Variants in NTNG1 observed in about 807,000 individuals in gnomAD.
NTNG1 encodes the protein netrin-G1.
In NTNG1, 16 loss-of-function variants were observed where a neutral mutation model predicts 54.0. The observed-to-expected ratio is 0.30, with a 90% confidence interval of 0.20 to 0.45. NTNG1 has a LOEUF of 0.45. Ranked by LOEUF, NTNG1 falls within the 20% of genes least tolerant of loss-of-function variation. The probability of loss-of-function intolerance (pLI) is 1.00; values close to 1 mark genes in which losing one functional copy is unlikely to be tolerated. For synonymous variants in NTNG1, 255 were observed against 263.1 expected (o/e 0.97, Z 0.30); for missense variants, 530 against 678.7 (o/e 0.78, Z 2.43).
At chr1:107,376,847 T>C (rs1045060166) in intron 3 of NTNG1, among the ~76,000 whole-genome samples, 5 of 152,192 alleles carry the variant, frequency 3.3e-5, no homozygotes, top group African/African-American at 9.7e-5. Flanking sequence ...AAGTGTCCCG[T>C]CTTCCCCTAC....
intron 5 of NTNG1, among the ~76,000 whole-genome samples, chr1:107,414,665 T>C (rs974822561): frequency 5.3e-5 from 8 of 152,136 alleles, no homozygotes; most frequent in South Asian, 2.1e-4. Flanking sequence ...AGTAACTGTT[T>C]ATAGTACAGC....
intron 1 of NTNG1, chr1:107,141,411 G>T (rs1653686000): frequency 6.7e-6 from 1 of 149,986 alleles, no homozygotes. Flanking sequence ...CCGCCGCCCC[G>T]CGCCGTCGGC....
intron 3 of NTNG1, among the ~76,000 whole-genome samples, chr1:107,349,687 T>G (rs1255448627): frequency 6.6e-6 from 1 of 152,162 alleles, no homozygotes; most frequent in Non-Finnish European, 1.5e-5. Flanking sequence ...CTAAACAATA[T>G]ATTGTTTAGG....
At chr1:107,143,928 A>G (rs1006087346) in intron 1 of NTNG1, among the ~76,000 whole-genome samples, 2 of 152,096 alleles carry the variant, frequency 1.3e-5, no homozygotes, top group Non-Finnish European at 2.9e-5. Context: ...AGATCTTTCA[A>G]TTACCACGGT....
chr1:107,440,661 A>T (rs1047548512), intron 7 of NTNG1, among the ~76,000 whole-genome samples: 2 of 152,168 alleles, frequency 1.3e-5, no homozygotes, highest in Non-Finnish European at 2.9e-5. Context: ...TTGTTGGGCC[A>T]CTATTGAGGA....
chr1:107,480,779 G>A lies in NTNG1; in HGVS notation c.1559G>A (p.Gly520Asp). The A allele has an allele frequency of 6.3e-7, 1 of 1,598,174 alleles. No individual in the cohort carries two copies. Among genetic ancestry groups the A allele is most frequent in the Non-Finnish European group, 8.5e-7 (1 of 1,173,828 alleles). Residue 520 changes from glycine (G) to aspartate (D), a missense_variant, in exon 8 of 8, where the codon GGC (glycine) becomes GAC (aspartate). By Grantham distance (94) the Gly-to-Asp change is moderately conservative (BLOSUM62 -1). Transcript: ENST00000370068. ...SDSGQGAPPH[G>D]SPALLLLTTL... is the part of the protein sequence containing the mutation. ...TCTGGCCAGGGCGCGCCCCCGCACG[G>A]CTCCCCAGCGCTGCTGCTGCTGACC... is the stretch of plus-strand genomic sequence containing the variant.
chr1:107,268,411 G>C (rs959371046), intron 2 of NTNG1, among the ~76,000 whole-genome samples: 8 of 151,904 alleles, frequency 5.3e-5, no homozygotes, highest in Admixed American at 5.2e-4. Context: ...ATTGGACTCA[G>C]TTGGTTACTC....
At chr1:107,447,065 T>G (rs1185159734) in intron 7 of NTNG1, among the ~76,000 whole-genome samples, 1 of 151,498 alleles carries the variant, frequency 6.6e-6, no homozygotes, top group Non-Finnish European at 1.5e-5. Flanking sequence ...AGGATTAACA[T>G]TACATATTAC....
At chr1:107,345,296 A>C (rs1669148026) in intron 3 of NTNG1, among the ~76,000 whole-genome samples, 1 of 152,218 alleles carries the variant, frequency 6.6e-6, no homozygotes, top group East Asian at 1.9e-4. Context: ...TAACATTCGA[A>C]ACATTATAAG....
intron 3 of NTNG1, among the ~76,000 whole-genome samples, chr1:107,385,370 C>T (rs148874018): frequency 7.5e-4 from 114 of 152,232 alleles, no homozygotes; most frequent in African/African-American, 2.6e-3. Flanking sequence ...CCATGTGGTC[C>T]TGGTCTCTGC....
intron 2 of NTNG1, among the ~76,000 whole-genome samples, chr1:107,195,999 C>A (rs1015691983): frequency 6.6e-6 from 1 of 151,946 alleles, no homozygotes; most frequent in African/African-American, 2.4e-5. Context: ...AGAATGTAAG[C>A]CTCATGGAGG....
intron 2 of NTNG1, among the ~76,000 whole-genome samples, chr1:107,233,949 G>C (rs1354408520): frequency 1.3e-5 from 2 of 152,094 alleles, no homozygotes; most frequent in Non-Finnish European, 2.9e-5. Context: ...TAGATCGAGG[G>C]GCGGATAATT....
chr1:107,392,236 C>A (rs1007341069), intron 3 of NTNG1, among the ~76,000 whole-genome samples: 1 of 151,972 alleles, frequency 6.6e-6, no homozygotes, highest in Non-Finnish European at 1.5e-5. Context: ...GCTCTATGGA[C>A]CCCAGTGGGT....
At chr1:107,280,023 G>C (rs1664726894) in intron 2 of NTNG1, among the ~76,000 whole-genome samples, 1 of 131,874 alleles carries the variant, frequency 7.6e-6, no homozygotes, top group Admixed American at 8.4e-5. Flanking sequence ...CTGAATTCCT[G>C]TTCCTTTGTT....
In NTNG1 at chr1:107,324,503, T is replaced by C. The variant is rs1667834213; in HGVS notation, c.468T>C (p.Arg156=). 1 of 1,613,644 alleles carries C rather than the reference T, an allele frequency of 6.2e-7. No individual in the cohort carries two copies. The highest frequency in any genetic ancestry group is 1.1e-5 in the South Asian group (1 of 91,084). The change falls in exon 3 of 8, where the codon CGT becomes CGC. Residue 156 remains arginine (R), a synonymous_variant. Transcript: ENST00000370068. Reference sequence around the variant, plus strand: ...TAGTTATTACCTTTGAATCTGGGCGTCCAGACCAAATGATCCTGGAGAAGT... The same window carrying C: ...TAGTTATTACCTTTGAATCTGGGCGCCCAGACCAAATGATCCTGGAGAAGT... ...DNIVITFESG[R]PDQMILEKSL...
chr1:107,184,510 C>G (rs1354826747), intron 2 of NTNG1, among the ~76,000 whole-genome samples: 1 of 152,124 alleles, frequency 6.6e-6, no homozygotes, highest in African/African-American at 2.4e-5. Context: ...GACCTCACCC[C>G]CTTCATTTTA....
At chr1:107,275,557 G>A (rs1664414113) in intron 2 of NTNG1, among the ~76,000 whole-genome samples, 1 of 152,094 alleles carries the variant, frequency 6.6e-6, no homozygotes, top group Admixed American at 6.5e-5. Context: ...AGCTGATGGT[G>A]TAGTTCCAGT....
intron 2 of NTNG1, among the ~76,000 whole-genome samples, chr1:107,215,715 G>A (rs1659907649): frequency 6.6e-6 from 1 of 151,916 alleles, no homozygotes; most frequent in Non-Finnish European, 1.5e-5. Context: ...AGGAATTTTA[G>A]GATTGCTTTT....
intron 2 of NTNG1, among the ~76,000 whole-genome samples, chr1:107,171,247 A>T (rs1347195607): frequency 6.6e-6 from 1 of 151,990 alleles, no homozygotes; most frequent in Non-Finnish European, 1.5e-5. Context: ...AACACATCAC[A>T]ATTTTTCACC....
Sources: allele counts gnomAD v4.1 joint callset (sites outside exome capture counted in the v4.1 genomes callset), GRCh38; gene constraint gnomAD v4.1.1; transcripts MANE v1.5; gene names NCBI Gene and HGNC (gene_info 2026-07-23, HGNC 2026-07-21).